Variants in ORC5 observed in about 807,000 individuals in gnomAD.
ORC5 encodes origin recognition complex subunit 5.
Under a neutral mutation model 58.8 loss-of-function variants are expected in ORC5, and 39 were observed. That is an observed-to-expected ratio of 0.66 (90% CI 0.51 to 0.87). ORC5 has a LOEUF of 0.87. Ranked by LOEUF, ORC5 falls within the 40% of genes least tolerant of loss-of-function variation. ORC5 has a pLI of 0.00. For missense variants in ORC5, 493 were observed against 506.3 expected, an observed-to-expected ratio of 0.97 and a Z score of 0.25; for synonymous variants, 218 against 177.6, an observed-to-expected ratio of 1.23 and a Z score of -1.81.
intron 8 of ORC5, among the ~76,000 whole-genome samples, chr7:104,177,372 G>A (rs2115935238): frequency 6.6e-6 from 1 of 152,120 alleles, no homozygotes; most frequent in Non-Finnish European, 1.5e-5. Flanking sequence ...TAAAAGTTAG[G>A]TTATAAACAT....
chr7:104,169,158 T>C (rs373817373), intron 8 of ORC5, among the ~76,000 whole-genome samples: 102 of 152,250 alleles, frequency 6.7e-4, no homozygotes, highest in African/African-American at 2.1e-3. Flanking sequence ...CTAGTTACCG[T>C]ATTAGATGCA....
At chr7:104,150,529 C>A (rs530526234) in intron 12 of ORC5, among the ~76,000 whole-genome samples, 1 of 148,384 alleles carries the variant, frequency 6.7e-6, no homozygotes, top group South Asian at 2.1e-4. Flanking sequence ...TAAATCACTA[C>A]CATAAATTTT....
At chr7:104,183,237 A>G (rs570854438) in intron 8 of ORC5, among the ~76,000 whole-genome samples, 83 of 151,958 alleles carry the variant, frequency 5.5e-4, no homozygotes, top group African/African-American at 1.9e-3. Context: ...AATTAACTTA[A>G]CAACGGACTC....
intron 12 of ORC5, among the ~76,000 whole-genome samples, chr7:104,150,645 C>T (rs1042473432): frequency 6.6e-6 from 1 of 152,020 alleles, no homozygotes; most frequent in Non-Finnish European, 1.5e-5. Context: ...AAGATAAAGC[C>T]TCTAATCTCT....
chr7:104,206,330 C>T (rs959958025), intron 1 of ORC5, among the ~76,000 whole-genome samples: 1 of 152,128 alleles, frequency 6.6e-6, no homozygotes, highest in African/African-American at 2.4e-5. Flanking sequence ...ACATGCACAG[C>T]ACCTTGCAGA....
chr7:104,174,669 C>T (rs1240401965), intron 8 of ORC5, among the ~76,000 whole-genome samples: 1 of 152,136 alleles, frequency 6.6e-6, no homozygotes, highest in Non-Finnish European at 1.5e-5. Flanking sequence ...CGGCAGTCTC[C>T]CAATAGATAG....
intron 4 of ORC5, among the ~76,000 whole-genome samples, chr7:104,196,400 T>A (rs1296084596): frequency 6.6e-6 from 1 of 152,170 alleles, no homozygotes; most frequent in East Asian, 1.9e-4. Flanking sequence ...AAGATAGATC[T>A]TGAGTCTCAG....
intron 12 of ORC5, among the ~76,000 whole-genome samples, chr7:104,141,439 C>T (rs1480314894): frequency 2.0e-5 from 3 of 149,332 alleles, no homozygotes; most frequent in Admixed American, 6.7e-5. Flanking sequence ...GAGAAAAAAA[C>T]ATTTAAAGTT....
intron 12 of ORC5, among the ~76,000 whole-genome samples, chr7:104,152,392 C>T (rs557647414): frequency 4.7e-4 from 71 of 152,282 alleles, no homozygotes; most frequent in African/African-American, 1.7e-3. Flanking sequence ...GATCCTCCTA[C>T]CCCAGTCTCT....
chr7:104,152,418 A>G (rs1195942472), intron 12 of ORC5, among the ~76,000 whole-genome samples: 1 of 152,192 alleles, frequency 6.6e-6, no homozygotes, highest in East Asian at 1.9e-4. Flanking sequence ...CGCTGGGATT[A>G]CAGGCATGAC....
chr7:104,166,347 A>G (rs1799106312), intron 10 of ORC5, among the ~76,000 whole-genome samples: 1 of 152,160 alleles, frequency 6.6e-6, no homozygotes, highest in South Asian at 2.1e-4. Context: ...AGTGACAAGA[A>G]CATAGTGGGT....
chr7:104,161,472 C>T lies in ORC5; in HGVS notation c.1039-290G>A, dbSNP rs1394694265. Among the ~76,000 whole-genome samples, 5 of 151,898 alleles carry T rather than the reference C, an allele frequency of 3.3e-5. No homozygotes were observed. The East Asian group carries it at 9.7e-4, about 29-fold the overall frequency. On this transcript the variant is annotated intron_variant, in intron 11 of 13. Transcript: ENST00000297431. ...CCTTGAATTCCTGGGCTCAAGCCATCCTCCTATGTCAGATTCTCCTCTTGA... is the reference window on the plus strand; with the variant it reads ...CCTTGAATTCCTGGGCTCAAGCCATTCTCCTATGTCAGATTCTCCTCTTGA...
intron 11 of ORC5, among the ~76,000 whole-genome samples, chr7:104,163,826 T>C (rs1165835196): frequency 6.6e-6 from 1 of 152,212 alleles, no homozygotes; most frequent in Admixed American, 6.5e-5. Context: ...AGCTAGTCTA[T>C]CCTAATATTA....
At chr7:104,157,136 T>C (rs1037582828) in intron 12 of ORC5, among the ~76,000 whole-genome samples, 3 of 151,974 alleles carry the variant, frequency 2.0e-5, no homozygotes, top group African/African-American at 4.8e-5. Flanking sequence ...AAAAGGTCAC[T>C]GGGAGTCAAT....
At chr7:104,175,873 AT>A (rs540381202) in intron 8 of ORC5, among the ~76,000 whole-genome samples, 1 of 152,194 alleles carries the variant, frequency 6.6e-6, no homozygotes, top group African/African-American at 2.4e-5. Context: ...ATACTTGGAG[AT>A]TTTTTTCTTA....
chr7:104,168,287 T>C lies in ORC5; in HGVS notation c.877+186A>G, dbSNP rs999739239. The C allele has an allele frequency of 3.4e-6, 4 of 1,174,838 alleles. No individual in the cohort carries two copies. In the Admixed American group the frequency reaches 1.1e-4, roughly 34 times the overall value. The allele number at this position is 1,174,838 out of a possible 1,614,324, so 72.8% of individuals were successfully genotyped here. On this transcript the variant is annotated intron_variant, in intron 9 of 13. Transcript: ENST00000297431. ...GAAAGCTGGTATTCAAACTTTTATTTCCTCCCATTAAATTAGAGCTTCAGT... is the reference window on the plus strand; with the variant it reads ...GAAAGCTGGTATTCAAACTTTTATTCCCTCCCATTAAATTAGAGCTTCAGT...
At chr7:104,197,367 GC>G (rs1441557575) in intron 4 of ORC5, among the ~76,000 whole-genome samples, 4 of 152,244 alleles carry the variant, frequency 2.6e-5, no homozygotes, top group African/African-American at 4.8e-5. Context: ...ATCCAGAATA[GC>G]CATGCTATTC....
intron 12 of ORC5, among the ~76,000 whole-genome samples, chr7:104,147,364 C>T (rs538006478): frequency 4.6e-5 from 7 of 152,188 alleles, no homozygotes; most frequent in Admixed American, 1.3e-4. Flanking sequence ...AAATCCCAAC[C>T]GGAGTGTTCT....
chr7:104,177,794 C>T (rs146806918), intron 8 of ORC5, among the ~76,000 whole-genome samples: 17 of 152,246 alleles, frequency 1.1e-4, no homozygotes, highest in African/African-American at 3.1e-4. Flanking sequence ...CATTGTTCAA[C>T]GTCCACTTAG....
Sources: gnomAD v4.1 joint callset for allele counts (sites outside exome capture counted in the v4.1 genomes callset) on GRCh38, gnomAD v4.1.1 for gene constraint, MANE v1.5 for transcripts, NCBI Gene and HGNC (gene_info 2026-07-23, HGNC 2026-07-21) for gene names.